Variants in PLEKHG1 observed in about 807,000 individuals in gnomAD.
The protein encoded by PLEKHG1 is pleckstrin homology domain-containing family G member 1.
A neutral mutation model predicts 100.8 loss-of-function variants in PLEKHG1; 44 were observed. The ratio of observed to expected loss-of-function variants is 0.44; its 90% confidence interval spans 0.34 to 0.56. The LOEUF is 0.56. PLEKHG1 is among the 20% of genes least tolerant of loss of function. PLEKHG1 has a pLI of 0.01. For synonymous variants in PLEKHG1, 640 were observed against 662.5 expected (o/e 0.97, Z 0.52); for missense variants, 1,545 against 1,720.9 (o/e 0.90, Z 1.81).
intron 6 of PLEKHG1, 114 bp downstream of exon 7, chr6:150,800,983 ACT>A: frequency 1.2e-6 from 1 of 832,012 alleles, no homozygotes; most frequent in East Asian, 2.5e-5. Context: ...CATTTCCCAC[ACT>A]CATATTTCAC....
chr6:150,635,712 G>A (rs1777968211), intron 1 of PLEKHG1, among the ~76,000 whole-genome samples: 1 of 152,054 alleles, frequency 6.6e-6, no homozygotes, highest in African/African-American at 2.4e-5. Flanking sequence ...ACTTTTCAGG[G>A]AGCATAAATA....
intron 2 of PLEKHG1, among the ~76,000 whole-genome samples, chr6:150,646,021 T>C (rs1484614026): frequency 1.3e-5 from 2 of 152,220 alleles, no homozygotes; most frequent in East Asian, 3.8e-4. Context: ...CCACAAGTTA[T>C]TCAATAACAT....
At chr6:150,632,232 C>T (rs1218796392) in intron 1 of PLEKHG1, among the ~76,000 whole-genome samples, 3 of 152,184 alleles carry the variant, frequency 2.0e-5, no homozygotes. Context: ...AAGAAATCAC[C>T]AGGGTATGGG....
At chr6:150,772,814 C>T (rs118005376) in intron 3 of PLEKHG1, among the ~76,000 whole-genome samples, 6,538 of 152,122 alleles carry the variant, frequency 0.043, 208 homozygotes, top group South Asian at 0.064. Context: ...TCTTATTGGC[C>T]ATTTTGATTT....
At chr6:150,722,349 C>CTTTTTTTTTTTTTTTTTTTTTTTTT (rs139069069) in intron 1 of PLEKHG1, among the ~76,000 whole-genome samples, 4 of 90,680 alleles carry the variant, frequency 4.4e-5, no homozygotes, top group Admixed American at 2.8e-4. Context: ...TTTTTCTTTT[C>CTTTTTTTTTTTTTTTTTTTTTTTTT]TTTTTTTTTT....
Position 150,831,387 on chromosome 6 carries a change from G to C in PLEKHG1, c.2276G>C (p.Ser759Thr). The C allele has an allele frequency of 6.2e-7, 1 of 1,614,126 alleles. No homozygotes were observed. ...CCGTCGCTGGGTTTTAAGTGCAGCAGCCTAAAGCGTGCAAAGCGGAGCACC... is the reference window on the plus strand; with the variant it reads ...CCGTCGCTGGGTTTTAAGTGCAGCACCCTAAAGCGTGCAAAGCGGAGCACC... The change falls in exon 15 of 16, where the codon AGC becomes ACC. Residue 759 changes from serine (S) to threonine (T), a missense_variant. Coordinates refer to ENST00000358517, the Ensembl canonical transcript of PLEKHG1. This position sits in a 1 kb window ranked among gnomAD's most constrained non-coding sequence, Gnocchi z 4.1.
chr6:150,632,058 G>A (rs1217492006), intron 1 of PLEKHG1, among the ~76,000 whole-genome samples: 1 of 152,148 alleles, frequency 6.6e-6, no homozygotes, highest in African/African-American at 2.4e-5. Context: ...CGCGGCATTT[G>A]GCATTTTCTG....
chr6:150,671,038 A>G (rs1217243355), intron 3 of PLEKHG1, among the ~76,000 whole-genome samples: 1 of 151,716 alleles, frequency 6.6e-6, no homozygotes, highest in African/African-American at 2.4e-5. Flanking sequence ...CATCCAGGTC[A>G]CTGCAAATGC....
chr6:150,838,904 A>G (rs1018458408), intron 15 of PLEKHG1, among the ~76,000 whole-genome samples: 3 of 152,154 alleles, frequency 2.0e-5, no homozygotes, highest in Admixed American at 6.5e-5. Context: ...GAGTTAGTCA[A>G]TACATGTGGT....
chr6:150,638,638 C>G (rs896413679), intron 2 of PLEKHG1, among the ~76,000 whole-genome samples: 1 of 152,128 alleles, frequency 6.6e-6, no homozygotes, highest in African/African-American at 2.4e-5. Flanking sequence ...GTAGAAGCCC[C>G]CTTGCCAGGT....
intron 3 of PLEKHG1, among the ~76,000 whole-genome samples, chr6:150,714,787 A>C (rs1781361914): frequency 6.6e-6 from 1 of 151,866 alleles, no homozygotes; most frequent in Non-Finnish European, 1.5e-5. Context: ...TGTCTGCTTT[A>C]GACCTATGTC....
chr6:150,779,345 T>TTTG (rs1265492590), intron 3 of PLEKHG1, among the ~76,000 whole-genome samples: 7 of 84,152 alleles, frequency 8.3e-5, no homozygotes, highest in African/African-American at 6.2e-4. Flanking sequence ...TGTCAAGAAG[T>TTTG]TTTTTTTTTT....
chr6:150,632,056 T>C (rs2128562088), intron 1 of PLEKHG1, among the ~76,000 whole-genome samples: 1 of 152,328 alleles, frequency 6.6e-6, no homozygotes, highest in East Asian at 1.9e-4. Flanking sequence ...CACGCGGCAT[T>C]TGGCATTTTC....
chr6:150,657,029 A>C (rs919355903), intron 3 of PLEKHG1, among the ~76,000 whole-genome samples: 4 of 152,178 alleles, frequency 2.6e-5, no homozygotes, highest in Admixed American at 1.3e-4. Flanking sequence ...TAGTTATAGC[A>C]CTGGCTCCAG....
chr6:150,830,875 G>C (rs1203068502), exon 15 of PLEKHG1: 1 of 1,614,036 alleles, frequency 6.2e-7, no homozygotes, highest in South Asian at 1.1e-5. Flanking sequence ...CTTGCAGCTG[G>C]CATATGGGAC....
chr6:150,738,926 T>C (rs560872227), intron 2 of PLEKHG1, among the ~76,000 whole-genome samples: 9 of 152,138 alleles, frequency 5.9e-5, no homozygotes, highest in African/African-American at 9.7e-5. Context: ...ATGATACAAT[T>C]TGTGGAGAGA....
chr6:150,699,521 C>T (rs944357730), intron 3 of PLEKHG1, among the ~76,000 whole-genome samples: 4 of 152,214 alleles, frequency 2.6e-5, no homozygotes, highest in African/African-American at 7.2e-5. Flanking sequence ...AGGTCACACC[C>T]TTTGCCCTGC....
At chr6:150,761,874 G>A (rs775497972) in intron 2 of PLEKHG1, among the ~76,000 whole-genome samples, 12 of 151,924 alleles carry the variant, frequency 7.9e-5, no homozygotes, top group Non-Finnish European at 1.8e-4. Flanking sequence ...CCCTTCCTAG[G>A]CCCAGCTGGC....
chr6:150,811,739 A>G (rs1787545570), intron 10 of PLEKHG1, among the ~76,000 whole-genome samples: 2 of 151,692 alleles, frequency 1.3e-5, no homozygotes, highest in Admixed American at 1.3e-4. Context: ...GGGCTGGGGC[A>G]GGGACGGGAA....
Sources: allele counts gnomAD v4.1 joint callset (sites outside exome capture counted in the v4.1 genomes callset), GRCh38; gene constraint gnomAD v4.1.1; non-coding constraint Gnocchi (gnomAD v3.1); transcripts MANE v1.5; gene names NCBI Gene and HGNC (gene_info 2026-07-23, HGNC 2026-07-21).